DST: variants seen among roughly 807,000 people sequenced by gnomAD.
DST encodes the protein bullous pemphigoid antigen.
DST carries 253 observed loss-of-function variants against 875.2 expected under a neutral mutation model. That is an observed-to-expected ratio of 0.29 (90% confidence interval 0.26 to 0.32). The LOEUF (loss-of-function observed/expected upper bound fraction) is 0.32, where lower values mean the gene tolerates loss of function less well. DST is among the 10% of genes least tolerant of loss of function. The pLI, the probability that DST is intolerant of heterozygous loss-of-function variation, is 1.00. For missense variants in DST, 8,287 were observed against 9,111.6 expected (o/e 0.91, Z 3.68); for synonymous variants, 3,124 against 3,197.1 (o/e 0.98, Z 0.77).
intron 10 of DST, among the ~76,000 whole-genome samples, chr6:56,661,869 TGA>T (rs1177784903): frequency 6.6e-6 from 1 of 152,158 alleles, no homozygotes; most frequent in African/African-American, 2.4e-5. Context: ...ATTACAGGTG[TGA>T]GTCACCGCGC....
rs199544271 is a variant in DST, at chr6:56,509,608, T to C, written c.19012+34A>G. 53 of 1,533,120 alleles carry C rather than the reference T, an allele frequency of 3.5e-5. 1 individual carries two copies. In the Middle Eastern group the frequency reaches 6.8e-4, roughly 20 times the overall value. The allele number at this position is 1,533,120 out of a possible 1,614,324, so 95.0% of individuals were successfully genotyped here. ...TAAACCGCATAAACATTTAGAATGC[T>C]TTAAAATTTGTTTCCCTATTCCAAA... On this transcript the variant is annotated intron_variant, in intron 74 of 103. Coordinates refer to ENST00000680361, the MANE Select transcript of DST (RefSeq NM_001374736.1).
At chr6:56,464,369 C>T in intron 100 of DST, 3 of 382,186 alleles carry the variant, frequency 7.8e-6, no homozygotes, top group Non-Finnish European at 1.4e-5. Context: ...TAACAAACAC[C>T]AGACCCAAGG....
chr6:56,810,710 G>C (rs1375886897), intron 4 of DST, among the ~76,000 whole-genome samples: 4 of 148,770 alleles, frequency 2.7e-5, no homozygotes, highest in Non-Finnish European at 5.9e-5. Flanking sequence ...GGGTCTCACA[G>C]GGAAAAAAAA....
chr6:56,474,054 T>G, intron 92 of DST, 52 bp from the exon 93 acceptor site: 2 of 1,484,222 alleles, frequency 1.3e-6, no homozygotes, highest in Non-Finnish European at 1.8e-6. Context: ...CAGAAAACCG[T>G]CTTTAGAAAT....
intron 4 of DST, among the ~76,000 whole-genome samples, chr6:56,830,889 T>A (rs1430607834): frequency 6.6e-6 from 1 of 152,190 alleles, no homozygotes; most frequent in Admixed American, 6.5e-5. Flanking sequence ...TAACTTTGAC[T>A]GCATATAAGG....
At position 56,609,269 on chromosome 6, in the gene DST, C is replaced by T. The variant is rs774683587; in HGVS notation, c.5359G>A (p.Gly1787Ser). ...ATTCCTGTGTCATAGTCAATGAGGC[C>T]TCTTAAAACTGCTTGAAAGACTGAA... ...VLSVFQAVLR[G>S]LIDYDTGIRL... is the part of the protein sequence containing the mutation. Residue 1787 changes from glycine to serine, a missense_variant, in exon 40 of 104, where the codon GGC becomes AGC. By Grantham distance (56) the Gly-to-Ser change is moderately conservative (BLOSUM62 0). This residue lies in a region of DST where 3,138 missense variants were observed against 3,116.6 expected (regional missense o/e 1.01). Transcript: ENST00000680361. The T allele has an allele frequency of 7.4e-6, 12 of 1,613,542 alleles. No homozygotes were observed. The South Asian group carries it at 1.2e-4, about 16-fold the overall frequency.
chr6:56,577,648 T>A (rs557983561), intron 50 of DST, among the ~76,000 whole-genome samples: 13 of 152,246 alleles, frequency 8.5e-5, no homozygotes, highest in African/African-American at 3.1e-4. Context: ...TCAAATAAAA[T>A]TTTGACTCAG....
chr6:56,538,094 C>T (rs1442655379), intron 61 of DST, among the ~76,000 whole-genome samples: 4 of 152,096 alleles, frequency 2.6e-5, no homozygotes, highest in African/African-American at 7.2e-5. Flanking sequence ...GCCATCCTCC[C>T]ACCTTAGCCT....
intron 5 of DST, among the ~76,000 whole-genome samples, chr6:56,710,416 A>G (rs1334657759): frequency 6.6e-6 from 1 of 152,248 alleles, no homozygotes; most frequent in Non-Finnish European, 1.5e-5. Flanking sequence ...GTCCCAAATG[A>G]GATCGCCTCA....
At chr6:56,788,890 C>T (rs530404673) in intron 4 of DST, among the ~76,000 whole-genome samples, 3 of 152,302 alleles carry the variant, frequency 2.0e-5, no homozygotes, top group South Asian at 4.1e-4. Context: ...CTTTTGTACA[C>T]ATGCTTCCTT....
chr6:56,871,252 A>G, intron 3 of DST: 3 of 774,818 alleles, frequency 3.9e-6, no homozygotes, highest in Non-Finnish European at 7.2e-6. Flanking sequence ...AGAGGTTCAA[A>G]TCTTCGTGTT....
intron 3 of DST, among the ~76,000 whole-genome samples, chr6:56,891,193 A>C (rs1787220051): frequency 6.6e-6 from 1 of 152,220 alleles, no homozygotes; most frequent in South Asian, 2.1e-4. Flanking sequence ...ACAAGGAGCC[A>C]ACAGCCTTCT....
intron 47 of DST, among the ~76,000 whole-genome samples, chr6:56,596,306 C>G (rs925859811): frequency 6.6e-6 from 1 of 152,156 alleles, no homozygotes; most frequent in Admixed American, 6.5e-5. Flanking sequence ...GGATTACAGG[C>G]ATGAGCCACC....
chr6:56,653,395 C>G (rs2098986953), intron 10 of DST, among the ~76,000 whole-genome samples: 2 of 152,102 alleles, frequency 1.3e-5, no homozygotes, highest in South Asian at 2.1e-4. Context: ...ACTTTAAAAA[C>G]CACTACAAAG....
intron 50 of DST, among the ~76,000 whole-genome samples, chr6:56,578,437 T>C (rs1254197382): frequency 1.3e-5 from 2 of 152,120 alleles, no homozygotes; most frequent in Admixed American, 6.6e-5. Flanking sequence ...ACGTTCCCAC[T>C]ATTGATAAAG....
chr6:56,614,949 G>A, intron 36 of DST: 1 of 992,672 alleles, frequency 1.0e-6, no homozygotes, highest in Non-Finnish European at 1.2e-6. Context: ...CATAATGTTA[G>A]CTTTCAAGTG....
intron 90 of DST, among the ~76,000 whole-genome samples, chr6:56,481,732 A>T (rs2095409194): frequency 6.6e-6 from 1 of 152,230 alleles, no homozygotes; most frequent in South Asian, 2.1e-4. Context: ...CCACATGATA[A>T]CTGCAACAAT....
At chr6:56,558,066 CTT>C (rs2097457904) in intron 58 of DST, among the ~76,000 whole-genome samples, 1 of 152,002 alleles carries the variant, frequency 6.6e-6, no homozygotes, top group Non-Finnish European at 1.5e-5. Flanking sequence ...ACTTTTAAGA[CTT>C]TTAGATTTCT....
At chr6:56,755,031 T>G (rs1439472180) in intron 4 of DST, among the ~76,000 whole-genome samples, 2 of 151,802 alleles carry the variant, frequency 1.3e-5, no homozygotes, top group Non-Finnish European at 2.9e-5. Flanking sequence ...CCGAAGTACA[T>G]TCCAGGACTA....
Sources: allele counts gnomAD v4.1 joint callset (sites outside exome capture counted in the v4.1 genomes callset), GRCh38; gene constraint gnomAD v4.1.1; regional missense constraint gnomAD v4.1.1; transcripts MANE v1.5; gene names NCBI Gene and HGNC (gene_info 2026-07-23, HGNC 2026-07-21).